Variants in TCF4 observed in about 807,000 individuals in gnomAD.
TCF4 encodes the protein transcription factor 4, also known as SL3-3 enhancer factor 2.
Under a neutral mutation model 82.1 loss-of-function variants are expected in TCF4, and 3 were observed. The ratio of observed to expected loss-of-function variants is 0.04; its 90% CI spans 0.02 to 0.09. The LOEUF (loss-of-function observed/expected upper bound fraction) is 0.09, where lower values mean the gene tolerates loss of function less well. Ranked by LOEUF, TCF4 falls within the 10% of genes least tolerant of loss-of-function variation. The probability of loss-of-function intolerance (pLI) is 1.00; values close to 1 mark genes in which losing one functional copy is unlikely to be tolerated. For missense variants in TCF4, 518 were observed against 852.7 expected (o/e 0.61, Z 4.89); for synonymous variants, 276 against 309.6 (o/e 0.89, Z 1.14).
chr18:55,582,581 A>T (rs191462227), intron 3 of TCF4, among the ~76,000 whole-genome samples: 2 of 152,242 alleles, frequency 1.3e-5, no homozygotes, highest in African/African-American at 4.8e-5. Flanking sequence ...CCATTTCTTA[A>T]GGTGGTAGGA....
At chr18:55,355,973 A>C (rs1474546749) in intron 6 of TCF4, among the ~76,000 whole-genome samples, 1 of 152,170 alleles carries the variant, frequency 6.6e-6, no homozygotes, top group East Asian at 1.9e-4. Context: ...AGCTCAAAGA[A>C]ATACAGACAA....
rs1327666670 is a variant in TCF4 at position 55,461,060 on chromosome 18, T to G, written c.263A>C (p.His88Pro). 6.2e-7 allele frequency: 1 copy of G among 1,613,348 alleles called. No individual in the cohort carries two copies. The change falls in exon 5 of 20, where the codon CAT becomes CCT. Residue 88 changes from histidine (H) to proline (P), a missense_variant. By Grantham distance (77) the His-to-Pro change is moderately conservative (BLOSUM62 -2). Around this residue, in one of 7 missense-constraint regions of TCF4, gnomAD observed 80 missense variants for 93.8 expected, o/e 0.85. Coordinates refer to ENST00000354452, the MANE Select transcript of TCF4 (RefSeq NM_001083962.2). The stretch of plus-strand genomic sequence containing the variant: ...GACAAAAGGTGGAGAGAGATTGTCA[T>G]GTGACCCAAGGTCCCTGCTGGTCAT... ...DHMTSRDLGS[H>P]DNLSPPFVNS...
At chr18:55,313,489 C>T (rs1437635627) in intron 8 of TCF4, among the ~76,000 whole-genome samples, 1 of 152,074 alleles carries the variant, frequency 6.6e-6, no homozygotes, top group Non-Finnish European at 1.5e-5. Context: ...CTCCCTTCCC[C>T]TTCAATCCAA....
chr18:55,570,151 GA>G (rs1390203734), intron 3 of TCF4, among the ~76,000 whole-genome samples: 1 of 152,196 alleles, frequency 6.6e-6, no homozygotes, highest in African/African-American at 2.4e-5. Flanking sequence ...AATGACTGGA[GA>G]AAGGATGGAC....
chr18:55,631,123 C>T, intron 2 of TCF4, among the ~76,000 whole-genome samples: 1 of 150,266 alleles, frequency 6.7e-6, no homozygotes. Context: ...GATCTCGACT[C>T]ACTGCAACCT....
At chr18:55,264,139 T>C (rs1310842755) in intron 11 of TCF4, among the ~76,000 whole-genome samples, 1 of 152,176 alleles carries the variant, frequency 6.6e-6, no homozygotes, top group East Asian at 1.9e-4. Flanking sequence ...TCTGATTTCT[T>C]TAGAACTACA....
intron 6 of TCF4, among the ~76,000 whole-genome samples, chr18:55,379,912 T>C (rs1487697363): frequency 1.3e-5 from 2 of 152,106 alleles, no homozygotes; most frequent in Non-Finnish European, 2.9e-5. Context: ...CTCAGTCTAT[T>C]GCCCAGGCTG....
intron 8 of TCF4, among the ~76,000 whole-genome samples, chr18:55,333,644 CA>C (rs2078030954): frequency 6.6e-6 from 1 of 152,174 alleles, no homozygotes; most frequent in South Asian, 2.1e-4. Flanking sequence ...ACAGCACTTC[CA>C]CTTGCCCCAT....
chr18:55,622,049 TAA>T (rs2097721552), intron 2 of TCF4, among the ~76,000 whole-genome samples: 1 of 136,826 alleles, frequency 7.3e-6, no homozygotes, highest in African/African-American at 2.7e-5. Context: ...ACACTATATA[TAA>T]TATATATACA....
chr18:55,350,170 C>T (rs1189823664), intron 8 of TCF4, among the ~76,000 whole-genome samples, 189 bp downstream of exon 8: 1 of 152,126 alleles, frequency 6.6e-6, no homozygotes, highest in Non-Finnish European at 1.5e-5. Flanking sequence ...CCCAGTCTTC[C>T]AGGATGTGCA....
At chr18:55,627,486 G>A (rs953729857) in intron 2 of TCF4, among the ~76,000 whole-genome samples, 1 of 152,192 alleles carries the variant, frequency 6.6e-6, no homozygotes, top group African/African-American at 2.4e-5. Flanking sequence ...TTCATAGGCT[G>A]GGCGCAGTGG....
intron 2 of TCF4, among the ~76,000 whole-genome samples, chr18:55,604,947 T>C (rs2097700910): frequency 6.6e-6 from 1 of 152,058 alleles, no homozygotes; most frequent in African/African-American, 2.4e-5. Flanking sequence ...AATAAAACAA[T>C]TGAAATTCCA....
intron 8 of TCF4, among the ~76,000 whole-genome samples, chr18:55,282,104 T>A (rs2146327145): frequency 6.6e-6 from 1 of 152,158 alleles, no homozygotes; most frequent in South Asian, 2.1e-4. Flanking sequence ...ACAATGTTAT[T>A]CATCTTCCAT....
chr18:55,629,313 T>C (rs1346747055), intron 2 of TCF4, among the ~76,000 whole-genome samples: 2 of 152,204 alleles, frequency 1.3e-5, no homozygotes, highest in African/African-American at 2.4e-5. Context: ...TGGCAAAGCA[T>C]TGGCTATTAT....
intron 3 of TCF4, among the ~76,000 whole-genome samples, chr18:55,484,628 C>G (rs2096489740): frequency 6.6e-6 from 1 of 152,164 alleles, no homozygotes; most frequent in Non-Finnish European, 1.5e-5. Context: ...GGAAACCAGT[C>G]CTTGTGTGGA....
intron 3 of TCF4, among the ~76,000 whole-genome samples, chr18:55,491,538 C>A (rs972427933): frequency 6.6e-6 from 1 of 152,124 alleles, no homozygotes; most frequent in Non-Finnish European, 1.5e-5. Context: ...CTTCAAAATC[C>A]AGTTGCCCTT....
chr18:55,323,402 T>C (rs938846559), intron 8 of TCF4, among the ~76,000 whole-genome samples: 8 of 152,170 alleles, frequency 5.3e-5, no homozygotes, highest in Non-Finnish European at 1.2e-4. Flanking sequence ...ATAGTGGTGT[T>C]GGTTCCGAGG....
At position 55,433,359 on chromosome 18, in the gene TCF4, A is replaced by G. The variant is rs941223762; in HGVS notation, c.304+27660T>C. ...CAAACAGCAGCACAGTGTTTGGCAC[A>G]TAGATAACTAGCAGCTACTGTTCCC... On this transcript the variant is annotated intron_variant, in intron 5 of 19. Transcript: ENST00000354452. 3.3e-5 allele frequency among the ~76,000 whole-genome samples: 5 copies of G among 152,390 alleles called. No homozygotes were observed. In the East Asian group the frequency reaches 9.6e-4, roughly 29 times the overall value.
At position 55,227,146 on chromosome 18, in the gene TCF4, A is replaced by T. The variant is rs1199495992; in HGVS notation, c.*889T>A. On this transcript the variant is annotated 3_prime_UTR_variant, in exon 20 of 20. Transcript: ENST00000354452. Reference sequence around the variant, plus strand: ...ACTTTCTACTTATTTATGAATGAGAAGCAACATCAGGGTCAGCATTTCATC... The same window carrying T: ...ACTTTCTACTTATTTATGAATGAGATGCAACATCAGGGTCAGCATTTCATC... 1 of 152,426 alleles carries T rather than the reference A, an allele frequency of 6.6e-6. No individual in the cohort carries two copies. The highest frequency in any genetic ancestry group is 1.9e-4 in the East Asian group (1 of 5,184). The allele number at this position is 152,426 out of a possible 1,614,324, so 9.4% of individuals were successfully genotyped here.
Sources: allele counts gnomAD v4.1 joint callset (sites outside exome capture counted in the v4.1 genomes callset), GRCh38; gene constraint gnomAD v4.1.1; regional missense constraint gnomAD v4.1.1; transcripts MANE v1.5; gene names NCBI Gene and HGNC (gene_info 2026-07-23, HGNC 2026-07-21).